CNTNAP2: variants seen among roughly 807,000 people sequenced by gnomAD.
CNTNAP2 encodes the protein contactin associated protein 2, also known as contactin-associated protein-like 2.
CNTNAP2 carries 98 observed loss-of-function variants against 155.2 expected under a neutral mutation model. That is an observed-to-expected ratio of 0.63 (90% CI 0.54 to 0.75). The LOEUF is 0.75. Ranked by LOEUF, CNTNAP2 falls within the 30% of genes least tolerant of loss-of-function variation. CNTNAP2 has a pLI of 0.00. For synonymous variants in CNTNAP2, 651 were observed against 631.2 expected (o/e 1.03, Z -0.47); for missense variants, 1,727 against 1,688.1 (o/e 1.02, Z -0.40).
intron 3 of CNTNAP2, among the ~76,000 whole-genome samples, chr7:146,840,956 A>G (rs1002729329): frequency 6.6e-6 from 1 of 152,236 alleles, no homozygotes; most frequent in Non-Finnish European, 1.5e-5. Flanking sequence ...ATTAGGATGT[A>G]TAAGTTACGG....
rs78096586 is a variant in CNTNAP2 at position 147,367,677 on chromosome 7, C to T, written c.1499-27932C>T. Among the ~76,000 whole-genome samples, 1,293 of 152,250 alleles carry T rather than the reference C, an allele frequency of 8.5e-3. 21 individuals are homozygous for T. The highest frequency in any genetic ancestry group is 0.03 in the African/African-American group (1,245 of 41,554). On this transcript the variant is annotated intron_variant, in intron 9 of 23. Coordinates refer to ENST00000361727, the MANE Select transcript of CNTNAP2 (RefSeq NM_014141.6). ...CACCCTTATTCTGGCCACTCATCAC[C>T]TAAATGAACCTAAGCCATTCCATCT...
chr7:148,201,195 G>A (rs1795364343), intron 18 of CNTNAP2, among the ~76,000 whole-genome samples: 1 of 152,134 alleles, frequency 6.6e-6, no homozygotes, highest in South Asian at 2.1e-4. Flanking sequence ...TGTGTTTGGT[G>A]GTCAGAATTG....
intron 1 of CNTNAP2, among the ~76,000 whole-genome samples, chr7:146,252,785 C>T (rs903210880): frequency 2.0e-5 from 3 of 152,142 alleles, no homozygotes; most frequent in African/African-American, 7.2e-5. Context: ...TAGTCCATAA[C>T]AAAGTGTCAA....
At chr7:147,853,182 C>G (rs1337082070) in intron 13 of CNTNAP2, among the ~76,000 whole-genome samples, 1 of 152,146 alleles carries the variant, frequency 6.6e-6, no homozygotes, top group Non-Finnish European at 1.5e-5. Flanking sequence ...CTGACAGTCT[C>G]CATTTATATT....
intron 13 of CNTNAP2, among the ~76,000 whole-genome samples, chr7:147,681,514 A>C (rs979180994): frequency 4.6e-5 from 7 of 151,898 alleles, no homozygotes; most frequent in Non-Finnish European, 7.4e-5. Flanking sequence ...GTCTTGTTTT[A>C]GAACTCTCTA....
intron 2 of CNTNAP2, among the ~76,000 whole-genome samples, chr7:146,781,929 A>C (rs888765618): frequency 1.3e-5 from 2 of 151,766 alleles, no homozygotes; most frequent in Non-Finnish European, 2.9e-5. Context: ...TCCTGCTGGT[A>C]CTCTTCTGCT....
chr7:146,138,929 AT>A (rs1562965058), intron 1 of CNTNAP2, among the ~76,000 whole-genome samples: 1 of 152,250 alleles, frequency 6.6e-6, no homozygotes, highest in East Asian at 1.9e-4. Flanking sequence ...CCAGTTTGCA[AT>A]TGGGTCCCTA....
At chr7:146,142,687 G>C (rs1797897747) in intron 1 of CNTNAP2, among the ~76,000 whole-genome samples, 2 of 152,096 alleles carry the variant, frequency 1.3e-5, no homozygotes, top group East Asian at 1.9e-4. Flanking sequence ...CTTTCACTTC[G>C]TATTACCCTA....
intron 1 of CNTNAP2, among the ~76,000 whole-genome samples, chr7:146,247,843 G>A (rs1258907811): frequency 6.6e-6 from 1 of 152,148 alleles, no homozygotes; most frequent in African/African-American, 2.4e-5. Flanking sequence ...GTTGCCCATA[G>A]TGAAGGAGGC....
intron 1 of CNTNAP2, among the ~76,000 whole-genome samples, chr7:146,366,138 A>G (rs1795152070): frequency 6.6e-6 from 1 of 152,184 alleles, no homozygotes; most frequent in Non-Finnish European, 1.5e-5. Flanking sequence ...AGATATTTGC[A>G]TACTGATGGT....
At chr7:147,598,861 C>A (rs995159697) in intron 12 of CNTNAP2, among the ~76,000 whole-genome samples, 1 of 152,038 alleles carries the variant, frequency 6.6e-6, no homozygotes, top group Non-Finnish European at 1.5e-5. Context: ...GGCTTTTCCC[C>A]CTTTGCTTGG....
Position 147,470,721 on chromosome 7 carries a change from A to C in CNTNAP2, c.1671-15214A>C, listed in dbSNP as rs184164324. On this transcript the variant is annotated intron_variant, in intron 10 of 23. Transcript: ENST00000361727. ...TGATTGAGGACGACTGAGAAGAAAA[A>C]TTTCAGAGGCAAAAATATGCTTTAT... Among the ~76,000 whole-genome samples the C allele has an allele frequency of 3.9e-5, 6 of 152,224 alleles. No homozygotes were observed. In the East Asian group the frequency reaches 1.2e-3, roughly 29 times the overall value.
At chr7:147,737,205 T>C (rs1796867321) in intron 13 of CNTNAP2, among the ~76,000 whole-genome samples, 2 of 152,292 alleles carry the variant, frequency 1.3e-5, no homozygotes, top group Non-Finnish European at 1.5e-5. Context: ...GGTTTTGGTG[T>C]TGATGTCCTT....
intron 3 of CNTNAP2, among the ~76,000 whole-genome samples, chr7:146,893,132 T>G (rs1795812729): frequency 6.6e-6 from 1 of 152,172 alleles, no homozygotes; most frequent in Admixed American, 6.6e-5. Context: ...TTGTTATCTA[T>G]TTCTGTGTCA....
rs190340213 is a variant in CNTNAP2 at position 147,218,410 on chromosome 7, T to C, written c.1349-81731T>C. ...ATTTTACCCATGTGTTATTTAGAAGTGTGTTCATTGTTTAATCTCCATGTA... is the reference window on the plus strand; with the variant it reads ...ATTTTACCCATGTGTTATTTAGAAGCGTGTTCATTGTTTAATCTCCATGTA... On this transcript the variant is annotated intron_variant, in intron 8 of 23. Coordinates refer to ENST00000361727, the MANE Select transcript of CNTNAP2 (RefSeq NM_014141.6). 3.3e-5 allele frequency among the ~76,000 whole-genome samples: 5 copies of C among 152,086 alleles called. No homozygotes were observed. In the East Asian group the frequency reaches 9.6e-4, roughly 29 times the overall value.
At chr7:147,003,475 A>G (rs1287979035) in intron 3 of CNTNAP2, among the ~76,000 whole-genome samples, 1 of 152,030 alleles carries the variant, frequency 6.6e-6, no homozygotes, top group African/African-American at 2.4e-5. Context: ...TTATTAAACC[A>G]AAAAAGGCAG....
chr7:147,323,521 G>C (rs1030236440), intron 9 of CNTNAP2, among the ~76,000 whole-genome samples: 73 of 117,558 alleles, frequency 6.2e-4, no homozygotes, highest in African/African-American at 2.8e-3. Flanking sequence ...TGGAATAGGT[G>C]TGGTGTGGTG....
intron 1 of CNTNAP2, among the ~76,000 whole-genome samples, chr7:146,514,964 T>C (rs1286551049): frequency 6.6e-6 from 1 of 152,014 alleles, no homozygotes; most frequent in Admixed American, 6.6e-5. Context: ...CCAGGGCTCT[T>C]GCAAAAGCTT....
chr7:148,211,277 A>T (rs781349988), intron 18 of CNTNAP2, among the ~76,000 whole-genome samples: 1 of 152,236 alleles, frequency 6.6e-6, no homozygotes, highest in Admixed American at 6.5e-5. Flanking sequence ...ACAGAGCTTC[A>T]AGAATCCAGG....
Sources: allele counts gnomAD v4.1 joint callset (sites outside exome capture counted in the v4.1 genomes callset), GRCh38; gene constraint gnomAD v4.1.1; transcripts MANE v1.5; gene names NCBI Gene and HGNC (gene_info 2026-07-23, HGNC 2026-07-21).